Variants in NAALADL2 observed in about 807,000 individuals in gnomAD.
NAALADL2 encodes the protein inactive N-acetylated-alpha-linked acidic dipeptidase-like protein 2.
NAALADL2 carries 76 observed loss-of-function variants against 87.2 expected under a neutral mutation model. The observed-to-expected ratio is 0.87, with a 90% CI of 0.72 to 1.05. The LOEUF (loss-of-function observed/expected upper bound fraction) is 1.05, where lower values mean the gene tolerates loss of function less well. Ranked by LOEUF, NAALADL2 falls within the 50% of genes least tolerant of loss-of-function variation. NAALADL2 has a pLI of 0.00. For synonymous variants in NAALADL2, 354 were observed against 331.0 expected (o/e 1.07, Z -0.75); for missense variants, 1,089 against 945.8 (o/e 1.15, Z -1.99).
intron 2 of NAALADL2, among the ~76,000 whole-genome samples, chr3:174,699,644 T>G (rs1298479405): frequency 6.6e-6 from 1 of 152,200 alleles, no homozygotes; most frequent in Non-Finnish European, 1.5e-5. Flanking sequence ...ATTTATGACA[T>G]TATATTTATG....
At chr3:175,284,393 T>G (rs1174159931) in intron 4 of NAALADL2, among the ~76,000 whole-genome samples, 1 of 152,056 alleles carries the variant, frequency 6.6e-6, no homozygotes, top group Non-Finnish European at 1.5e-5. Context: ...TTTCTTATAC[T>G]ATTATATTCT....
At chr3:174,892,074 T>C (rs1730923871) in intron 1 of NAALADL2, among the ~76,000 whole-genome samples, 1 of 152,072 alleles carries the variant, frequency 6.6e-6, no homozygotes, top group South Asian at 2.1e-4. Context: ...TTCTTTCAAA[T>C]ATCTAGAAAG....
chr3:175,608,077 G>A (rs1421897485), intron 10 of NAALADL2, among the ~76,000 whole-genome samples: 3 of 151,478 alleles, frequency 2.0e-5, no homozygotes, highest in African/African-American at 7.3e-5. Flanking sequence ...GATTCCCATT[G>A]CTACCAGAAT....
chr3:175,395,711 G>T (rs1424087052), intron 5 of NAALADL2, among the ~76,000 whole-genome samples: 6 of 152,128 alleles, frequency 3.9e-5, no homozygotes, highest in Admixed American at 2.6e-4. Context: ...GCTGATTTCT[G>T]TATAATCTTT....
chr3:174,873,407 A>G (rs940026325), intron 1 of NAALADL2, among the ~76,000 whole-genome samples: 2 of 152,110 alleles, frequency 1.3e-5, no homozygotes, highest in Non-Finnish European at 2.9e-5. Context: ...GGGGCACATC[A>G]CTATGCCCAG....
At chr3:175,448,561 C>A (rs1721050726) in intron 6 of NAALADL2, among the ~76,000 whole-genome samples, 1 of 152,186 alleles carries the variant, frequency 6.6e-6, no homozygotes. Context: ...TGTGCTAGCT[C>A]CATGCCCTCC....
At chr3:175,596,713 C>A (rs1722291481) in intron 10 of NAALADL2, among the ~76,000 whole-genome samples, 1 of 151,754 alleles carries the variant, frequency 6.6e-6, no homozygotes, top group South Asian at 2.1e-4. Context: ...TAAAATATCC[C>A]TAGTTTTTTA....
intron 2 of NAALADL2, among the ~76,000 whole-genome samples, chr3:175,103,104 C>T (rs1722504878): frequency 2.8e-5 from 1 of 35,624 alleles, no homozygotes; most frequent in Admixed American, 2.4e-4. Context: ...GAGACTCCGT[C>T]TCAAAAAAAA....
chr3:175,407,723 G>C (rs1231095856), intron 5 of NAALADL2, among the ~76,000 whole-genome samples: 4 of 152,152 alleles, frequency 2.6e-5, no homozygotes, highest in Non-Finnish European at 5.9e-5. Flanking sequence ...GGATGCTATA[G>C]ATTATATTTC....
intron 5 of NAALADL2, among the ~76,000 whole-genome samples, chr3:175,377,607 A>T (rs1231792296): frequency 6.6e-6 from 1 of 152,194 alleles, no homozygotes; most frequent in Non-Finnish European, 1.5e-5. Context: ...CTCAAGCATA[A>T]AAACCTGTGA....
intron 3 of NAALADL2, among the ~76,000 whole-genome samples, chr3:174,785,913 A>G (rs1310882332): frequency 6.6e-6 from 1 of 152,100 alleles, no homozygotes; most frequent in Admixed American, 6.6e-5. Flanking sequence ...TTTTCAGTAG[A>G]TTAGAGCAGG....
chr3:174,762,421 G>A (rs1713149364), intron 3 of NAALADL2, among the ~76,000 whole-genome samples: 1 of 148,488 alleles, frequency 6.7e-6, no homozygotes. Context: ...CCAAAGTGCT[G>A]GGATTACAGG....
intron 4 of NAALADL2, among the ~76,000 whole-genome samples, chr3:175,284,125 C>T (rs1581252390): frequency 6.6e-6 from 1 of 150,940 alleles, no homozygotes; most frequent in African/African-American, 2.4e-5. Flanking sequence ...GTAAATGGAA[C>T]TGGAATGCCC....
chr3:174,455,963 A>G (rs1224168334), intron 1 of NAALADL2, among the ~76,000 whole-genome samples: 1 of 152,200 alleles, frequency 6.6e-6, no homozygotes, highest in Non-Finnish European at 1.5e-5. Context: ...AGAAAACCCC[A>G]TAGTCTCAGC....
chr3:175,688,145 T>G (rs35509947), intron 11 of NAALADL2, among the ~76,000 whole-genome samples: 1,592 of 152,214 alleles, frequency 0.01, 17 homozygotes, highest in South Asian at 0.019. Flanking sequence ...GTATGTAAGC[T>G]CTGAGAAGCA....
chr3:174,626,425 A>G (rs1233672698), intron 2 of NAALADL2, among the ~76,000 whole-genome samples: 1 of 151,966 alleles, frequency 6.6e-6, no homozygotes. Flanking sequence ...GCATTTTTTG[A>G]TGACTTACCT....
intron 2 of NAALADL2, among the ~76,000 whole-genome samples, chr3:174,631,079 T>C (rs1722068650): frequency 6.6e-6 from 1 of 151,896 alleles, no homozygotes; most frequent in Admixed American, 6.6e-5. Context: ...CTGCACATAT[T>C]ATTATTATCC....
At chr3:174,513,618 C>G (rs577127542) in intron 1 of NAALADL2, 11 of 152,238 alleles carry the variant, frequency 7.2e-5, no homozygotes, top group Non-Finnish European at 8.8e-5. Flanking sequence ...TCTGTGAGCT[C>G]TTGCTTTTAC....
At chr3:174,626,190 A>G (rs1211270309) in intron 2 of NAALADL2, among the ~76,000 whole-genome samples, 1 of 151,284 alleles carries the variant, frequency 6.6e-6, no homozygotes, top group South Asian at 2.1e-4. Flanking sequence ...AAGATTTAGT[A>G]ATGAGATTTC....
Sources: allele counts gnomAD v4.1 joint callset (sites outside exome capture counted in the v4.1 genomes callset), GRCh38; gene constraint gnomAD v4.1.1; transcripts MANE v1.5; gene names NCBI Gene and HGNC (gene_info 2026-07-23, HGNC 2026-07-21).